Variants in FBXO40 observed in about 807,000 individuals in gnomAD.
The protein encoded by FBXO40 is F-box protein 40, also known as F-box only protein 40.
Under a neutral mutation model 49.9 loss-of-function variants are expected in FBXO40, and 50 were observed. The observed-to-expected ratio is 1.00, with a 90% confidence interval of 0.80 to 1.27. The LOEUF (loss-of-function observed/expected upper bound fraction) is 1.27. Ranked by LOEUF, FBXO40 falls within the 50% of genes most tolerant of loss-of-function variation. FBXO40 has a pLI of 0.00. For missense variants in FBXO40, 895 were observed against 870.1 expected (o/e 1.03, Z -0.36); for synonymous variants, 340 against 320.2 (o/e 1.06, Z -0.66).
chr3:121,621,461 A>C lies in FBXO40; in HGVS notation c.32A>C (p.His11Pro). The C allele has an allele frequency of 6.2e-7, 1 of 1,614,058 alleles. No individual in the cohort carries two copies. Among genetic ancestry groups the C allele is most frequent in the South Asian group, 1.1e-5 (1 of 91,062 alleles). ...AAAGCCCGCAGATCCCCGCCAGGGC[A>C]CCACAGGCATTGTGAGGGATGCTTC... MGKARRSPPG[H>P]HRHCEGCFNR... Residue 11 changes from histidine to proline, a missense_variant, in exon 3 of 4, where the codon CAC becomes CCC. His to Pro is a moderately conservative substitution (Grantham distance 77, BLOSUM62 -2). Coordinates refer to ENST00000338040, the MANE Select transcript of FBXO40 (RefSeq NM_016298.4).
At position 121,621,573 on chromosome 3, in the gene FBXO40, G is replaced by A. The variant is rs150156546; in HGVS notation, c.144G>A (p.Met48Ile). Residue 48 changes from methionine (M) to isoleucine (I), a missense_variant, in exon 3 of 4, where the codon ATG (methionine) becomes ATA (isoleucine). Met to Ile is a conservative substitution (Grantham distance 10). Coordinates refer to ENST00000338040, the MANE Select transcript of FBXO40 (RefSeq NM_016298.4). ...CHLLCGATFH[M>I]CKEAEHQLLC... is the part of the protein sequence containing the mutation. ...TGCTCTGTGGTGCCACCTTCCACAT[G>A]TGCAAAGAGGCAGAGCACCAGCTCC... The A allele has an allele frequency of 8.3e-5, 134 of 1,614,232 alleles. No homozygotes were observed. In the African/African-American group the frequency reaches 1.7e-3, roughly 21 times the overall value.
chr3:121,622,444 C>A lies in FBXO40; in HGVS notation c.1015C>A (p.Leu339Met). The part of the protein sequence containing the change: ...PKERDFVYGK[L>M]EAQEVKTVYT... ...GGAGAGAGACTTTGTTTATGGCAAGCTGGAGGCTCAGGAAGTTAAGACTGT... is the reference window on the plus strand; with the variant it reads ...GGAGAGAGACTTTGTTTATGGCAAGATGGAGGCTCAGGAAGTTAAGACTGT... Residue 339 changes from leucine to methionine, a missense_variant, in exon 3 of 4, where the codon CTG becomes ATG. Transcript: ENST00000338040. 1 of 1,614,196 alleles carries A rather than the reference C, an allele frequency of 6.2e-7. No homozygotes were observed. The highest frequency in any genetic ancestry group is 8.5e-7 in the Non-Finnish European group (1 of 1,180,042).
chr3:121,627,126 CCTTTTTTCTTTT>C lies in FBXO40; in HGVS notation c.*222_*233del, dbSNP rs2049066542. 2 of 545,742 alleles carry C rather than the reference CCTTTTTTCTTTT, an allele frequency of 3.7e-6. No individual in the cohort carries two copies. The highest frequency in any genetic ancestry group is 1.9e-5 in the African/African-American group (1 of 53,024). The allele number at this position is 545,742 out of a possible 1,614,324, so 33.8% of individuals were successfully genotyped here. Reference sequence around the variant, plus strand: ...ATAGTGCCACATTGATGACTTGTTTCCTTTTTTCTTTTCTTTTCTTTTCTTTTTTCTTTCTTT... The same window carrying C: ...ATAGTGCCACATTGATGACTTGTTTCCTTTTCTTTTCTTTTTTCTTTCTTT... On this transcript the variant is annotated 3_prime_UTR_variant, in exon 4 of 4. Coordinates refer to ENST00000338040, the MANE Select transcript of FBXO40 (RefSeq NM_016298.4).
chr3:121,618,527 C>G (rs2049011314), intron 1 of FBXO40, among the ~76,000 whole-genome samples: 3 of 151,000 alleles, frequency 2.0e-5, no homozygotes, highest in Non-Finnish European at 4.4e-5. Context: ...GCTGAGATTA[C>G]AGGCATATGC....
intron 1 of FBXO40, among the ~76,000 whole-genome samples, chr3:121,612,265 T>C (rs1010074170): frequency 6.6e-6 from 1 of 151,568 alleles, no homozygotes; most frequent in African/African-American, 2.4e-5. Flanking sequence ...CAGCAAAGAG[T>C]CAACTTCGAC....
chr3:121,607,999 G>C (rs149735890), intron 1 of FBXO40, among the ~76,000 whole-genome samples: 1 of 152,312 alleles, frequency 6.6e-6, no homozygotes, highest in East Asian at 1.9e-4. Flanking sequence ...CCAGCCAGAG[G>C]GGTCCTGGGC....
chr3:121,606,112 A>G (rs978563434), intron 1 of FBXO40, among the ~76,000 whole-genome samples: 6 of 152,358 alleles, frequency 3.9e-5, no homozygotes, highest in Admixed American at 3.9e-4. Flanking sequence ...GTAAAAGACG[A>G]CCAGGAGGAG....
chr3:121,602,544 C>A (rs1056541537), intron 1 of FBXO40, among the ~76,000 whole-genome samples: 10 of 152,162 alleles, frequency 6.6e-5, no homozygotes, highest in African/African-American at 2.4e-4. Flanking sequence ...TTTGTAATGT[C>A]TTCTATGTGT....
At chr3:121,608,755 G>A (rs561773802) in intron 1 of FBXO40, among the ~76,000 whole-genome samples, 54 of 152,214 alleles carry the variant, frequency 3.5e-4, no homozygotes, top group African/African-American at 1.2e-3. Flanking sequence ...ACAGCCCAAA[G>A]GCATCCAGGC....
At chr3:121,601,252 A>C (rs1353271878) in intron 1 of FBXO40, among the ~76,000 whole-genome samples, 3 of 152,128 alleles carry the variant, frequency 2.0e-5, no homozygotes, top group Admixed American at 2.0e-4. Context: ...TTGTTTATAG[A>C]TGTGAGGCTA....
At chr3:121,595,964 T>C (rs2048868938) in intron 1 of FBXO40, among the ~76,000 whole-genome samples, 1 of 152,190 alleles carries the variant, frequency 6.6e-6, no homozygotes, top group Non-Finnish European at 1.5e-5. Context: ...ACTGACATCA[T>C]GTGAGGGGTG....
At position 121,626,843 on chromosome 3, in the gene FBXO40, G is replaced by A. The variant is rs753413931; in HGVS notation, c.2063G>A (p.Arg688His). 56 of 1,613,994 alleles carry A rather than the reference G, an allele frequency of 3.5e-5. No individual in the cohort carries two copies. The highest frequency in any genetic ancestry group is 2.2e-5 in the East Asian group (1 of 44,892). ...CTTTTGACTAGCATGTGTCAGCCCC[G>A]TGAGCAGGCCCGAGAGAGCTTAGTC... ...PILLTSMCQP[R>H]EQARESLVST... is the part of the protein sequence containing the mutation. Residue 688 changes from arginine to histidine, a missense_variant, in exon 4 of 4, where the codon CGT becomes CAT. By Grantham distance (29) the Arg-to-His change is conservative. Transcript: ENST00000338040.
chr3:121,594,334 G>A (rs2048858556), intron 1 of FBXO40, among the ~76,000 whole-genome samples: 1 of 151,976 alleles, frequency 6.6e-6, no homozygotes, highest in Non-Finnish European at 1.5e-5. Flanking sequence ...CTGAGTAGCT[G>A]GGACTACAGG....
Position 121,607,523 on chromosome 3 carries a change from A to G in FBXO40, c.-30-13023A>G, listed in dbSNP as rs374453164. 7.3e-3 allele frequency among the ~76,000 whole-genome samples: 1,105 copies of G among 151,770 alleles called. 11 individuals carry two copies. The highest frequency in any genetic ancestry group is 0.025 in the African/African-American group (1,037 of 41,414). ...ACAGGGTTTCACTGTGTTAGCCAGGATGGTCTCGATCTCCTGACCTCGTGA... is the reference window on the plus strand; with the variant it reads ...ACAGGGTTTCACTGTGTTAGCCAGGGTGGTCTCGATCTCCTGACCTCGTGA... On this transcript the variant is annotated intron_variant, in intron 1 of 3. Transcript: ENST00000338040.
chr3:121,622,100 A>G lies in FBXO40; in HGVS notation c.671A>G (p.Lys224Arg), dbSNP rs770345962. Residue 224 changes from lysine to arginine, a missense_variant, in exon 3 of 4, where the codon AAA becomes AGA. Transcript: ENST00000338040. Reference protein sequence around the residue: ...KFGQWENIFSKEHAASALTNS... With the variant: ...KFGQWENIFSREHAASALTNS... ...GGCCAGTGGGAAAATATTTTCAGCA[A>G]AGAGCACGCAGCCTCTGCTTTAACA... 222 of 1,614,120 alleles carry G rather than the reference A, an allele frequency of 1.4e-4. No individual in the cohort carries two copies. Among genetic ancestry groups the G allele is most frequent in the Non-Finnish European group, 1.8e-4 (214 of 1,180,048 alleles).
At chr3:121,620,686 A>G (rs2049025532) in intron 2 of FBXO40, 108 bp downstream of exon 2, 1 of 1,392,278 alleles carries the variant, frequency 7.2e-7, no homozygotes, top group Non-Finnish European at 1.0e-6. Context: ...GTTTGATGAT[A>G]TTTATCAACT....
intron 1 of FBXO40, among the ~76,000 whole-genome samples, chr3:121,601,409 G>GA (rs11339920): frequency 1.3e-3 from 186 of 146,892 alleles, no homozygotes; most frequent in Middle Eastern, 3.6e-3. Context: ...ATAGCAACAT[G>GA]AAAAAAAAAA....
At position 121,593,464 on chromosome 3, in the gene FBXO40, C is replaced by A. The variant is rs755111690; in HGVS notation, c.-69C>A. The stretch of plus-strand genomic sequence containing the variant: ...ATCCGCTTACTTGCAATCAAGGGTT[C>A]AGGTGCAAGCAGATGCTGACTCAGC... On this transcript the variant is annotated 5_prime_UTR_variant, in exon 1 of 4. It introduces an in-frame stop codon into an upstream open reading frame of the 5' UTR. Coordinates refer to ENST00000338040, the MANE Select transcript of FBXO40 (RefSeq NM_016298.4). 6.6e-6 allele frequency: 1 copy of A among 152,366 alleles called. No individual in the cohort carries two copies. Among genetic ancestry groups the A allele is most frequent in the Non-Finnish European group, 1.5e-5 (1 of 68,068 alleles). The allele number at this position is 152,366 out of a possible 1,614,324, so 9.4% of individuals were successfully genotyped here. A position where few individuals can be genotyped will look rare whatever the true frequency, so the allele number is the denominator to read the frequency against.
chr3:121,595,225 T>C (rs894520818), intron 1 of FBXO40, among the ~76,000 whole-genome samples: 9 of 152,256 alleles, frequency 5.9e-5, no homozygotes, highest in Non-Finnish European at 1.5e-5. Flanking sequence ...GTTATCATTA[T>C]GCCTGTTTCC....
Sources: allele counts gnomAD v4.1 joint callset (sites outside exome capture counted in the v4.1 genomes callset), GRCh38; gene constraint gnomAD v4.1.1; transcripts MANE v1.5; gene names NCBI Gene and HGNC (gene_info 2026-07-23, HGNC 2026-07-21).